IARS1: variants seen among roughly 807,000 people sequenced by gnomAD.
IARS1 encodes isoleucyl-tRNA synthetase 1.
Under a neutral mutation model 168.2 loss-of-function variants are expected in IARS1, and 124 were observed. The observed-to-expected ratio is 0.74, with a 90% confidence interval of 0.64 to 0.86. IARS1 has a LOEUF of 0.86. Ranked by LOEUF, IARS1 falls within the 40% of genes least tolerant of loss-of-function variation. The probability of loss-of-function intolerance (pLI) is 0.00; values close to 1 mark genes in which losing one functional copy is unlikely to be tolerated. For missense variants in IARS1, 1,452 were observed against 1,515.8 expected (o/e 0.96, Z 0.70); for synonymous variants, 532 against 529.4 (o/e 1.00, Z -0.07).
chr9:92,238,844 CTT>C (rs1375182537), intron 30 of IARS1, among the ~76,000 whole-genome samples: 2 of 152,142 alleles, frequency 1.3e-5, no homozygotes, highest in Non-Finnish European at 2.9e-5. Flanking sequence ...TTGTAATTGT[CTT>C]AACTATTATT....
At chr9:92,286,696 T>A (rs1192108946) in intron 4 of IARS1, 78 bp from the exon 5 acceptor site, 11 of 802,134 alleles carry the variant, frequency 1.4e-5, no homozygotes, top group Middle Eastern at 6.7e-4. Flanking sequence ...ATTTCTGTTG[T>A]CATCACAAAT....
At chr9:92,241,477 C>T (rs1471412545) in intron 29 of IARS1, among the ~76,000 whole-genome samples, 2 of 152,146 alleles carry the variant, frequency 1.3e-5, no homozygotes, top group Non-Finnish European at 2.9e-5. Context: ...TCCCGAGTAG[C>T]TGGGATTACA....
rs867856019 is a variant in IARS1 at position 92,264,961 on chromosome 9, G to T, written c.1668C>A (p.Phe556Leu). 1 of 1,614,086 alleles carries T rather than the reference G, an allele frequency of 6.2e-7. No individual in the cohort carries two copies. Among genetic ancestry groups the T allele is most frequent in the Non-Finnish European group, 8.5e-7 (1 of 1,179,980 alleles). The change falls in exon 16 of 34, where the codon TTC becomes TTA. Residue 556 changes from phenylalanine to leucine, a missense_variant. Coordinates refer to ENST00000443024, the MANE Select transcript of IARS1 (RefSeq NM_002161.6). ...REFEDAFPADFIAEGIDQTRG... is the reference protein window; with the variant it reads ...REFEDAFPADLIAEGIDQTRG... ...TGGTTTGGTCGATGCCCTCGGCAAT[G>T]AAATCTGCAGGAAAAGCATCCTCAA...
At chr9:92,215,057 G>A (rs1838414172) in intron 33 of IARS1, among the ~76,000 whole-genome samples, 1 of 152,182 alleles carries the variant, frequency 6.6e-6, no homozygotes, top group South Asian at 2.1e-4. Context: ...GGTTCTCCCA[G>A]CATGCAGCTG....
At chr9:92,282,580 G>A (rs1331288834) in intron 6 of IARS1, among the ~76,000 whole-genome samples, 1 of 151,910 alleles carries the variant, frequency 6.6e-6, no homozygotes, top group African/African-American at 2.4e-5. Flanking sequence ...AGACCAGCTG[G>A]GGCAATATGG....
At chr9:92,211,402 C>T (rs139935335) in intron 33 of IARS1, among the ~76,000 whole-genome samples, 1 of 152,264 alleles carries the variant, frequency 6.6e-6, no homozygotes, top group East Asian at 1.9e-4. Flanking sequence ...TTTCCCTACC[C>T]TAATTCAAAC....
rs369612288 is a variant in IARS1 at position 92,288,115 on chromosome 9, C to T, written c.276+11G>A. The T allele has an allele frequency of 5.6e-6, 9 of 1,609,202 alleles. No individual in the cohort carries two copies. In the African/African-American group the frequency reaches 1.1e-4, roughly 19 times the overall value. ...AATCAGAAAATTATAAAGCTGGATA[C>T]TCAAACATACCACAGGTAAGCCATG... On this transcript the variant is annotated intron_variant, in intron 3 of 33. Coordinates refer to ENST00000443024, the MANE Select transcript of IARS1 (RefSeq NM_002161.6).
At position 92,223,340 on chromosome 9, in the gene IARS1, A is replaced by T. The variant is rs1839932099; in HGVS notation, c.3553+6T>A. 2 of 1,608,788 alleles carry T rather than the reference A, an allele frequency of 1.2e-6. No homozygotes were observed. Among genetic ancestry groups the T allele is most frequent in the Non-Finnish European group, 1.7e-6 (2 of 1,176,326 alleles). The stretch of plus-strand genomic sequence containing the variant: ...CACAGTCTGCCTGCTGTGGGGAGGC[A>T]CATACCTTGTGGCTTTGCATTCAGG... On this transcript the variant is annotated splice_donor_region_variant and intron_variant, in intron 32 of 33. Coordinates refer to ENST00000443024, the MANE Select transcript of IARS1 (RefSeq NM_002161.6).
intron 4 of IARS1, 46 bp from the exon 5 acceptor site, chr9:92,286,664 A>C: frequency 2.9e-6 from 3 of 1,031,050 alleles, no homozygotes; most frequent in Non-Finnish European, 4.4e-6. Flanking sequence ...TGATATTTAT[A>C]ATTGTACATC....
chr9:92,235,513 ATTTTTTTT>A (rs558342421), intron 30 of IARS1, among the ~76,000 whole-genome samples: 5 of 114,196 alleles, frequency 4.4e-5, no homozygotes, highest in South Asian at 5.7e-4. Flanking sequence ...AATTACATTG[ATTTTTTTT>A]TTTTTTTTTT....
intron 29 of IARS1, 32 bp from the exon 30 acceptor site, chr9:92,240,993 T>G (rs753251179): frequency 1.5e-6 from 2 of 1,303,512 alleles, no homozygotes; most frequent in South Asian, 2.4e-5. Flanking sequence ...ACTGAGTAAC[T>G]GTGGCACCTG....
At chr9:92,242,361 G>T in intron 28 of IARS1, 31 bp from the exon 29 acceptor site, 2 of 1,567,268 alleles carry the variant, frequency 1.3e-6, no homozygotes, top group South Asian at 1.1e-5. Flanking sequence ...ATTTAAAAGG[G>T]AAGTACATTC....
intron 33 of IARS1, among the ~76,000 whole-genome samples, chr9:92,221,355 C>G (rs1204566426): frequency 1.3e-5 from 2 of 152,148 alleles, no homozygotes; most frequent in Non-Finnish European, 2.9e-5. Flanking sequence ...GACACAAATA[C>G]TGACACAGAA....
At chr9:92,283,789 TAAAAA>T (rs1249367226) in intron 6 of IARS1, among the ~76,000 whole-genome samples, 5 of 152,108 alleles carry the variant, frequency 3.3e-5, no homozygotes, top group African/African-American at 1.2e-4. Flanking sequence ...AATAAATAAA[TAAAAA>T]TAAAATATAA....
intron 9 of IARS1, among the ~76,000 whole-genome samples, chr9:92,277,485 CTG>C (rs1485133073): frequency 6.6e-6 from 1 of 151,982 alleles, no homozygotes; most frequent in Non-Finnish European, 1.5e-5. Context: ...CAAGACCAGC[CTG>C]GGCAGCATAG....
At chr9:92,239,742 C>A (rs979979201) in intron 30 of IARS1, among the ~76,000 whole-genome samples, 2 of 152,156 alleles carry the variant, frequency 1.3e-5, no homozygotes, top group Non-Finnish European at 2.9e-5. Context: ...AAAGTCCCAG[C>A]TTCCTACTTT....
At chr9:92,223,248 T>C (rs1394967968) in intron 32 of IARS1, 98 bp downstream of exon 32, 9 of 1,176,600 alleles carry the variant, frequency 7.6e-6, no homozygotes, top group Non-Finnish European at 9.3e-6. Flanking sequence ...TTTAAAGCAA[T>C]ACTTTGAAGC....
chr9:92,230,190 A>C (rs1446456771), intron 30 of IARS1, among the ~76,000 whole-genome samples: 1 of 151,778 alleles, frequency 6.6e-6, no homozygotes, highest in Non-Finnish European at 1.5e-5. Context: ...GGCTCACCGC[A>C]ACCTCTGCCT....
intron 26 of IARS1, among the ~76,000 whole-genome samples, chr9:92,246,395 C>T: frequency 6.6e-6 from 1 of 152,154 alleles, no homozygotes; most frequent in East Asian, 1.9e-4. Context: ...CAGACAGCCA[C>T]ACTCAGACCA....
Sources: gnomAD v4.1 joint callset for allele counts (sites outside exome capture counted in the v4.1 genomes callset) on GRCh38, gnomAD v4.1.1 for gene constraint, MANE v1.5 for transcripts, NCBI Gene and HGNC (gene_info 2026-07-23, HGNC 2026-07-21) for gene names.